Variants in FBLIM1 observed in about 807,000 individuals in gnomAD.
FBLIM1 encodes filamin binding LIM protein 1.
In FBLIM1, 29 loss-of-function variants were observed where a neutral mutation model predicts 37.4. The ratio of observed to expected loss-of-function variants is 0.77; its 90% CI spans 0.58 to 1.06. FBLIM1 has a LOEUF of 1.06. Ranked by LOEUF, FBLIM1 falls within the 50% of genes least tolerant of loss-of-function variation. The pLI is 0.00. For synonymous variants in FBLIM1, 193 were observed against 199.0 expected (o/e 0.97, Z 0.25); for missense variants, 449 against 505.6 (o/e 0.89, Z 1.07).
intron 8 of FBLIM1, among the ~76,000 whole-genome samples, chr1:15,781,431 T>G (rs1027931972): frequency 4.0e-5 from 6 of 151,024 alleles, no homozygotes; most frequent in African/African-American, 1.5e-4. Context: ...GGAGAATCAC[T>G]TGAACCTGGA....
intron 1 of FBLIM1, among the ~76,000 whole-genome samples, chr1:15,762,842 C>T (rs1475541463): frequency 6.6e-6 from 1 of 152,226 alleles, no homozygotes; most frequent in Non-Finnish European, 1.5e-5. Flanking sequence ...GAAACTGCCC[C>T]TGGAGAGGGC....
At chr1:15,764,823 TG>T in intron 2 of FBLIM1, 138 bp downstream of exon 2, 1 of 1,040,880 alleles carries the variant, frequency 9.6e-7, no homozygotes, top group South Asian at 1.6e-5. Flanking sequence ...CTTCTCTGGC[TG>T]GGCTGGGTGC....
intron 1 of FBLIM1, among the ~76,000 whole-genome samples, chr1:15,760,828 G>A (rs1569689394): frequency 6.6e-6 from 1 of 152,052 alleles, no homozygotes; most frequent in Non-Finnish European, 1.5e-5. Flanking sequence ...GAGTGGGGGC[G>A]GAGGGTCCCC....
intron 8 of FBLIM1, among the ~76,000 whole-genome samples, chr1:15,779,367 C>T (rs944250051): frequency 2.6e-5 from 4 of 151,596 alleles, no homozygotes; most frequent in African/African-American, 7.3e-5. Context: ...TGCACCAGTG[C>T]GATCTCAGCT....
At chr1:15,771,245 TTTTG>T (rs1160497180) in intron 6 of FBLIM1, among the ~76,000 whole-genome samples, 8 of 95,614 alleles carry the variant, frequency 8.4e-5, no homozygotes, top group African/African-American at 2.8e-4. Flanking sequence ...GCCTGTTTTT[TTTTG>T]TTTTTTTTTT....
At chr1:15,759,102 C>G (rs1320051304) in intron 1 of FBLIM1, among the ~76,000 whole-genome samples, 1 of 151,996 alleles carries the variant, frequency 6.6e-6, no homozygotes, top group Non-Finnish European at 1.5e-5. Flanking sequence ...GGCGGAGGGC[C>G]GAGTCCCAGC....
At chr1:15,779,274 A>T (rs1276236981) in intron 8 of FBLIM1, among the ~76,000 whole-genome samples, 3 of 151,228 alleles carry the variant, frequency 2.0e-5, no homozygotes, top group African/African-American at 7.3e-5. Context: ...TCACTTAGAA[A>T]TTGTCTCTTT....
chr1:15,777,953 G>T (rs924547765), intron 8 of FBLIM1, among the ~76,000 whole-genome samples: 1 of 152,122 alleles, frequency 6.6e-6, no homozygotes, highest in South Asian at 2.1e-4. Context: ...CTGTGGGGAG[G>T]TGGGGCACAG....
At chr1:15,761,286 C>T (rs1267406582) in intron 1 of FBLIM1, among the ~76,000 whole-genome samples, 4 of 152,128 alleles carry the variant, frequency 2.6e-5, no homozygotes, top group South Asian at 2.1e-4. Context: ...GAAGGAAAAG[C>T]GTGTCTGGGG....
chr1:15,776,379 T>C (rs563673910), intron 7 of FBLIM1, among the ~76,000 whole-genome samples: 1 of 152,234 alleles, frequency 6.6e-6, no homozygotes, highest in African/African-American at 2.4e-5. Flanking sequence ...CACAGGTAAG[T>C]ATTGAAGCTC....
At chr1:15,776,244 T>C (rs2069482790) in intron 7 of FBLIM1, among the ~76,000 whole-genome samples, 1 of 151,664 alleles carries the variant, frequency 6.6e-6, no homozygotes, top group Non-Finnish European at 1.5e-5. Flanking sequence ...GCAACAGAGC[T>C]AGACTCCATC....
At chr1:15,759,790 C>T (rs1232133297) in intron 1 of FBLIM1, among the ~76,000 whole-genome samples, 2 of 152,254 alleles carry the variant, frequency 1.3e-5, no homozygotes, top group African/African-American at 4.8e-5. Context: ...CTCTCTACCT[C>T]CTCTGTTTCC....
chr1:15,774,660 G>A lies in FBLIM1; in HGVS notation c.754G>A (p.Asp252Asn), dbSNP rs757750407. ...RCGKCGEVVRDHIIRALGQAF... is the reference protein window; with the variant it reads ...RCGKCGEVVRNHIIRALGQAF... ...CGGCAAGTGTGGCGAGGTGGTCCGG[G>A]ACCACATCATCAGGGCCCTGGGCCA... is the stretch of plus-strand genomic sequence containing the variant. Residue 252 changes from aspartate to asparagine, a missense_variant, in exon 7 of 9, where the codon GAC (aspartate) becomes AAC (asparagine). By Grantham distance (23) the Asp-to-Asn change is conservative. Coordinates refer to ENST00000375766, the MANE Select transcript of FBLIM1 (RefSeq NM_017556.4). 13 of 1,614,030 alleles carry A rather than the reference G, an allele frequency of 8.1e-6. No homozygotes were observed. Among genetic ancestry groups the A allele is most frequent in the South Asian group, 5.5e-5 (5 of 91,074 alleles).
intron 7 of FBLIM1, chr1:15,776,939 G>T: frequency 4.3e-6 from 2 of 462,484 alleles, no homozygotes; most frequent in Non-Finnish European, 7.7e-6. Flanking sequence ...CAGCCCCACT[G>T]AACACAGTTC....
chr1:15,784,636 A>G lies in FBLIM1; in HGVS notation c.1097A>G (p.Lys366Arg), dbSNP rs754329720. ...CTCTTCTGCAAGCCATGCCATGTGA[A>G]GCGGAGTGCTGCGGGGTGCTGCTGA... ...NHLFCKPCHVKRSAAGCC is the reference protein window; with the variant it reads ...NHLFCKPCHVRRSAAGCC Residue 366 changes from lysine to arginine, a missense_variant, in exon 9 of 9, where the codon AAG becomes AGG. Physicochemically the swap from Lys to Arg is conservative, Grantham distance 26 (BLOSUM62 2). Transcript: ENST00000375766. The G allele has an allele frequency of 3.7e-6, 6 of 1,614,018 alleles. No individual in the cohort carries two copies. The highest frequency in any genetic ancestry group is 5.1e-6 in the Non-Finnish European group (6 of 1,179,982).
Position 15,784,763 on chromosome 1 carries a change from C to T in FBLIM1, c.*102C>T. 1 of 1,038,282 alleles carries T rather than the reference C, an allele frequency of 9.6e-7. No homozygotes were observed. Among genetic ancestry groups the T allele is most frequent in the South Asian group, 1.4e-5 (1 of 70,514 alleles). The allele number at this position is 1,038,282 out of a possible 1,614,324, so 64.3% of individuals were successfully genotyped here. The stretch of plus-strand genomic sequence containing the variant: ...GCTCTTGCACACTTTCCTTCTGAGC[C>T]TCCATGGAGACCAGCCTGCAAGCCG... On this transcript the variant is annotated 3_prime_UTR_variant, in exon 9 of 9. Transcript: ENST00000375766.
chr1:15,771,409 A>C (rs890833624), intron 6 of FBLIM1, among the ~76,000 whole-genome samples: 1 of 142,622 alleles, frequency 7.0e-6, no homozygotes, highest in African/African-American at 2.6e-5. Flanking sequence ...ACCATGCCCA[A>C]CTAATTTTTG....
chr1:15,761,121 G>T (rs1383743632), intron 1 of FBLIM1, among the ~76,000 whole-genome samples: 2 of 152,150 alleles, frequency 1.3e-5, no homozygotes, highest in Non-Finnish European at 2.9e-5. Context: ...GAAGGGTCAG[G>T]GCTGGGTGGG....
chr1:15,776,883 A>AG (rs1224410256), intron 7 of FBLIM1: 2 of 257,802 alleles, frequency 7.8e-6, no homozygotes, highest in African/African-American at 2.2e-5. Flanking sequence ...AAAAAAAAAA[A>AG]AAGAAGTACT....
Sources: allele counts gnomAD v4.1 joint callset (sites outside exome capture counted in the v4.1 genomes callset), GRCh38; gene constraint gnomAD v4.1.1; transcripts MANE v1.5; gene names NCBI Gene and HGNC (gene_info 2026-07-23, HGNC 2026-07-21).